SRGAP1: variants seen among roughly 807,000 people sequenced by gnomAD.
SRGAP1 encodes SLIT-ROBO Rho GTPase-activating protein 1.
Under a neutral mutation model 121.9 loss-of-function variants are expected in SRGAP1, and 43 were observed. The observed-to-expected ratio is 0.35, with a 90% confidence interval of 0.28 to 0.46. The LOEUF (loss-of-function observed/expected upper bound fraction) is 0.46. Ranked by LOEUF, SRGAP1 falls within the 20% of genes least tolerant of loss-of-function variation. SRGAP1 has a pLI of 1.00. For synonymous variants in SRGAP1, 447 were observed against 485.4 expected (o/e 0.92, Z 1.04); for missense variants, 1,102 against 1,350.9 (o/e 0.82, Z 2.89).
At chr12:63,854,516 T>C (rs1899175356) in intron 1 of SRGAP1, among the ~76,000 whole-genome samples, 1 of 152,218 alleles carries the variant, frequency 6.6e-6, no homozygotes, top group African/African-American at 2.4e-5. Context: ...AAATACAAAA[T>C]GAATTGATAA....
intron 7 of SRGAP1, among the ~76,000 whole-genome samples, chr12:64,064,421 A>C (rs1827073): frequency 0.12 from 18,051 of 152,208 alleles, 1,287 homozygotes; most frequent in South Asian, 0.32. Flanking sequence ...AAAACCTAAG[A>C]TAAGTGACTT....
intron 3 of SRGAP1, among the ~76,000 whole-genome samples, chr12:64,000,163 G>A (rs1033889849): frequency 9.2e-5 from 14 of 151,378 alleles, no homozygotes; most frequent in Non-Finnish European, 1.8e-4. Context: ...GGACAGTATT[G>A]TCTAGAAATT....
intron 1 of SRGAP1, among the ~76,000 whole-genome samples, chr12:63,918,530 C>T (rs1171155517): frequency 6.6e-6 from 1 of 152,216 alleles, no homozygotes; most frequent in Admixed American, 6.5e-5. Context: ...GACCCTCCCA[C>T]ATCAGTCTCC....
intron 18 of SRGAP1, among the ~76,000 whole-genome samples, chr12:64,122,854 C>T (rs1192585206): frequency 2.0e-5 from 3 of 152,078 alleles, no homozygotes; most frequent in African/African-American, 4.8e-5. Context: ...GCCAAGATCA[C>T]GCCACTGCAC....
At chr12:64,023,170 A>G (rs144349588) in intron 4 of SRGAP1, among the ~76,000 whole-genome samples, 2 of 131,378 alleles carry the variant, frequency 1.5e-5, no homozygotes, top group Non-Finnish European at 3.4e-5. Flanking sequence ...ATATATATGA[A>G]TTTTTTTATG....
intron 1 of SRGAP1, chr12:63,982,906 A>G (rs1433704720): frequency 6.6e-6 from 1 of 152,230 alleles, no homozygotes; most frequent in African/African-American, 2.4e-5. Context: ...GAATCACTAA[A>G]TGACCACCTT....
intron 1 of SRGAP1, among the ~76,000 whole-genome samples, chr12:63,877,684 T>A (rs1900071895): frequency 6.6e-6 from 1 of 152,204 alleles, no homozygotes; most frequent in African/African-American, 2.4e-5. Flanking sequence ...GTCTTGAGGC[T>A]AATTTAGATG....
chr12:63,988,335 G>A lies in SRGAP1; in HGVS notation c.264-1575G>A, dbSNP rs138245273. 3.3e-5 allele frequency among the ~76,000 whole-genome samples: 5 copies of A among 152,288 alleles called. No individual in the cohort carries two copies. In the East Asian group the frequency reaches 9.6e-4, roughly 29 times the overall value. ...AAGGTAACATTTACCTTGTTATATA[G>A]GGCTGGGTAGATAGGAACTCTCAAT... On this transcript the variant is annotated intron_variant, in intron 2 of 21. Coordinates refer to ENST00000355086, the MANE Select transcript of SRGAP1 (RefSeq NM_020762.4).
At chr12:63,847,192 T>A (rs1898930614) in intron 1 of SRGAP1, among the ~76,000 whole-genome samples, 1 of 151,800 alleles carries the variant, frequency 6.6e-6, no homozygotes. Context: ...AAAAATTAGC[T>A]AGGTGTGGTG....
intron 11 of SRGAP1, 88 bp downstream of exon 11, chr12:64,087,114 T>A: frequency 9.7e-7 from 1 of 1,034,588 alleles, no homozygotes; most frequent in Non-Finnish European, 1.4e-6. Context: ...GAATTAACAT[T>A]TTGTTAATGA....
intron 6 of SRGAP1, among the ~76,000 whole-genome samples, chr12:64,044,674 C>CTTTTCTTTTTTTTTTT (rs2035090144): frequency 2.8e-5 from 2 of 72,122 alleles, no homozygotes; most frequent in African/African-American, 4.6e-5. Flanking sequence ...TGATGTGCCT[C>CTTTTCTTTTTTTTTTT]TTTTTTTTTT....
intron 1 of SRGAP1, among the ~76,000 whole-genome samples, chr12:63,894,201 A>G (rs189676015): frequency 2.0e-4 from 30 of 151,614 alleles, no homozygotes; most frequent in African/African-American, 5.8e-4. Context: ...GCACTCTGCT[A>G]TTTTTCTTTC....
chr12:63,956,196 CAAA>C (rs1565968685), intron 1 of SRGAP1, among the ~76,000 whole-genome samples: 3 of 151,986 alleles, frequency 2.0e-5, no homozygotes, highest in African/African-American at 7.2e-5. Context: ...GTGAAAAGTA[CAAA>C]ATTACTGGCT....
intron 1 of SRGAP1, among the ~76,000 whole-genome samples, chr12:63,913,679 G>A (rs1382298162): frequency 6.6e-6 from 1 of 151,388 alleles, no homozygotes; most frequent in Non-Finnish European, 1.5e-5. Flanking sequence ...TTTTATATTA[G>A]CATCTCTAAT....
chr12:63,863,112 GATA>G (rs1420285544), intron 1 of SRGAP1, among the ~76,000 whole-genome samples: 2 of 152,166 alleles, frequency 1.3e-5, no homozygotes, highest in African/African-American at 4.8e-5. Context: ...GACATTGCTT[GATA>G]ATGATGCGGC....
intron 2 of SRGAP1, among the ~76,000 whole-genome samples, chr12:63,987,261 G>A (rs1163024954): frequency 2.0e-5 from 3 of 152,064 alleles, no homozygotes; most frequent in Non-Finnish European, 4.4e-5. Flanking sequence ...CTCAGTTTTG[G>A]GACACTTATT....
chr12:63,932,766 A>G (rs1209759121), intron 1 of SRGAP1, among the ~76,000 whole-genome samples: 1 of 152,190 alleles, frequency 6.6e-6, no homozygotes, highest in Non-Finnish European at 1.5e-5. Flanking sequence ...TTGAGTATAC[A>G]AGAGAAAGGA....
At chr12:64,140,219 A>C (rs1401768971) in intron 21 of SRGAP1, among the ~76,000 whole-genome samples, 1 of 144,984 alleles carries the variant, frequency 6.9e-6, no homozygotes, top group Non-Finnish European at 1.5e-5. Flanking sequence ...TGACTTGGTG[A>C]TGCGGGCTCT....
chr12:64,120,504 TGGG>T (rs1319500493), intron 18 of SRGAP1: 4 of 152,070 alleles, frequency 2.6e-5, no homozygotes, highest in Non-Finnish European at 5.9e-5. Context: ...ATTTCCTTAA[TGGG>T]GGTGGAGGGC....
Sources: allele counts gnomAD v4.1 joint callset (sites outside exome capture counted in the v4.1 genomes callset), GRCh38; gene constraint gnomAD v4.1.1; transcripts MANE v1.5; gene names NCBI Gene and HGNC (gene_info 2026-07-23, HGNC 2026-07-21).